The following AFF1 variants were observed in gnomAD, a reference collection of about 807,000 sequenced individuals.
AFF1 encodes AF4/FMR2 family member 1.
AFF1 carries 48 observed loss-of-function variants against 121.7 expected under a neutral mutation model. The ratio of observed to expected loss-of-function variants is 0.39; its 90% CI spans 0.31 to 0.50. AFF1 has a LOEUF of 0.50. Ranked by LOEUF, AFF1 falls within the 20% of genes least tolerant of loss-of-function variation. AFF1 has a pLI of 0.76. For missense variants in AFF1, 1,523 were observed against 1,511.7 expected (o/e 1.01, Z -0.12); for synonymous variants, 613 against 563.0 (o/e 1.09, Z -1.26).
chr4:87,057,764 C>G (rs1720298487), intron 4 of AFF1, among the ~76,000 whole-genome samples: 1 of 152,152 alleles, frequency 6.6e-6, no homozygotes, highest in African/African-American at 2.4e-5. Flanking sequence ...GCCCCTAAGA[C>G]TTGATTTTAA....
chr4:87,086,125 A>G (rs758268821), intron 5 of AFF1, among the ~76,000 whole-genome samples: 1 of 152,206 alleles, frequency 6.6e-6, no homozygotes, highest in African/African-American at 2.4e-5. Flanking sequence ...TACATTTTTT[A>G]TCATCCTTTT....
chr4:86,980,950 C>G (rs369023828), intron 2 of AFF1, among the ~76,000 whole-genome samples: 2 of 134,552 alleles, frequency 1.5e-5, no homozygotes, highest in South Asian at 2.4e-4. Flanking sequence ...TTGAGGCACC[C>G]CCCCCCTCCA....
At chr4:87,012,562 T>TG (rs1726886352) in intron 2 of AFF1, among the ~76,000 whole-genome samples, 1 of 152,158 alleles carries the variant, frequency 6.6e-6, no homozygotes, top group Non-Finnish European at 1.5e-5. Context: ...ATGTAAAAAC[T>TG]GGGGGAGCTG....
chr4:86,958,517 G>A (rs1189078140), intron 2 of AFF1, among the ~76,000 whole-genome samples: 2 of 151,354 alleles, frequency 1.3e-5, no homozygotes, highest in Non-Finnish European at 2.9e-5. Flanking sequence ...TCAGGAGTTC[G>A]AGACCAGCCT....
intron 8 of AFF1, among the ~76,000 whole-genome samples, chr4:87,095,180 A>G (rs1481159557): frequency 1.3e-5 from 2 of 152,156 alleles, no homozygotes; most frequent in East Asian, 1.9e-4. Context: ...GTGCAGTGGC[A>G]TGATCTCGGC....
chr4:87,121,187 C>T (rs1250758340), intron 12 of AFF1, among the ~76,000 whole-genome samples: 3 of 152,174 alleles, frequency 2.0e-5, no homozygotes, highest in African/African-American at 7.2e-5. Context: ...GACCTTAAGC[C>T]AGATTCCCTG....
chr4:87,131,478 T>C (rs568112208), intron 17 of AFF1, among the ~76,000 whole-genome samples: 173 of 152,336 alleles, frequency 1.1e-3, no homozygotes, highest in Non-Finnish European at 2.2e-3. Context: ...TTTTCCAGTT[T>C]AGCTTTTTTA....
intron 18 of AFF1, 99 bp downstream of exon 18, chr4:87,131,963 T>G (rs1728871206): frequency 2.7e-6 from 3 of 1,109,336 alleles, no homozygotes; most frequent in Non-Finnish European, 3.7e-6. Context: ...GTGAAAATTA[T>G]GAAAAGCAAG....
intron 4 of AFF1, among the ~76,000 whole-genome samples, chr4:87,062,239 A>G (rs1158045267): frequency 6.6e-6 from 1 of 152,362 alleles, no homozygotes; most frequent in East Asian, 1.9e-4. Flanking sequence ...TCCAAGATCA[A>G]GGTGCTAACA....
chr4:87,069,271 CTTTTT>C (rs753186809), intron 4 of AFF1, among the ~76,000 whole-genome samples: 51 of 80,562 alleles, frequency 6.3e-4, no homozygotes, highest in Admixed American at 9.3e-4. Context: ...TGTGTGGCCT[CTTTTT>C]TTTTTTTTTT....
chr4:87,122,103 A>G (rs528028474), intron 12 of AFF1, among the ~76,000 whole-genome samples: 158 of 152,318 alleles, frequency 1.0e-3, no homozygotes, highest in Non-Finnish European at 2.0e-3. Context: ...TTAAAAAAGT[A>G]TACTTTAGTA....
At chr4:87,041,523 C>T (rs1324728194) in intron 2 of AFF1, among the ~76,000 whole-genome samples, 1 of 152,164 alleles carries the variant, frequency 6.6e-6, no homozygotes, top group Non-Finnish European at 1.5e-5. Context: ...CTAACTGACT[C>T]AGGTTTGAGA....
chr4:86,985,515 A>T (rs1279717028), intron 2 of AFF1, among the ~76,000 whole-genome samples: 1 of 150,924 alleles, frequency 6.6e-6, no homozygotes, highest in Non-Finnish European at 1.5e-5. Context: ...CTCAAAAAAA[A>T]AAAAAAAAAA....
intron 2 of AFF1, chr4:86,949,871 A>G (rs1047672295): frequency 1.2e-6 from 2 of 1,613,992 alleles, no homozygotes; most frequent in Admixed American, 1.7e-5. Flanking sequence ...GGACACCAGC[A>G]GGAAGAGCCA....
At chr4:87,074,131 T>A (rs1057275142) in intron 4 of AFF1, among the ~76,000 whole-genome samples, 1 of 151,494 alleles carries the variant, frequency 6.6e-6, no homozygotes, top group Non-Finnish European at 1.5e-5. Context: ...AAATTGATAG[T>A]CCCACTGAAA....
At chr4:87,109,115 C>CT (rs1425915424) in intron 11 of AFF1, among the ~76,000 whole-genome samples, 1 of 152,078 alleles carries the variant, frequency 6.6e-6, no homozygotes, top group African/African-American at 2.4e-5. Flanking sequence ...GCATGCTTTT[C>CT]TTTTTGGTGA....
At chr4:87,053,490 A>G (rs1465094018) in intron 4 of AFF1, among the ~76,000 whole-genome samples, 1 of 152,204 alleles carries the variant, frequency 6.6e-6, no homozygotes. Flanking sequence ...CTACTTCCAT[A>G]TTTAATTTAA....
intron 12 of AFF1, among the ~76,000 whole-genome samples, chr4:87,116,487 T>C (rs1727135957): frequency 6.6e-6 from 1 of 152,202 alleles, no homozygotes; most frequent in East Asian, 1.9e-4. Context: ...GGAATAAAAT[T>C]TTTAACACTC....
chr4:87,126,373 G>T (rs1291959192), intron 14 of AFF1, 37 bp downstream of exon 14: 26 of 1,576,776 alleles, frequency 1.6e-5, no homozygotes, highest in Non-Finnish European at 2.2e-5. Flanking sequence ...AAGATGGGAT[G>T]CATTGCTGTA....
Sources: gnomAD v4.1 joint callset for allele counts (sites outside exome capture counted in the v4.1 genomes callset) on GRCh38, gnomAD v4.1.1 for gene constraint, MANE v1.5 for transcripts, NCBI Gene and HGNC (gene_info 2026-07-23, HGNC 2026-07-21) for gene names.